The following CCDC73 variants were observed in gnomAD, a reference collection of about 807,000 sequenced individuals.
CCDC73 encodes coiled-coil domain containing 73.
CCDC73 carries 95 observed loss-of-function variants against 116.5 expected under a neutral mutation model. The ratio of observed to expected loss-of-function variants is 0.82; its 90% CI spans 0.69 to 0.97. The LOEUF is 0.97. CCDC73 is among the 50% of genes least tolerant of loss of function. The pLI is 0.00. For synonymous variants in CCDC73, 398 were observed against 401.3 expected (o/e 0.99, Z 0.10); for missense variants, 1,066 against 1,206.8 (o/e 0.88, Z 1.73).
chr11:32,720,492 C>T (rs779051933), intron 2 of CCDC73, among the ~76,000 whole-genome samples: 1 of 152,036 alleles, frequency 6.6e-6, no homozygotes, highest in African/African-American at 2.4e-5. Context: ...TCTCATCGCT[C>T]TTATTAAATA....
chr11:32,616,858 C>T (rs1855479079), intron 14 of CCDC73, among the ~76,000 whole-genome samples: 2 of 152,082 alleles, frequency 1.3e-5, no homozygotes, highest in African/African-American at 4.8e-5. Context: ...GTGGTAAGTG[C>T]TCTGATATGG....
intron 6 of CCDC73, among the ~76,000 whole-genome samples, chr11:32,688,813 T>C (rs1306717509): frequency 2.0e-5 from 3 of 152,116 alleles, no homozygotes; most frequent in African/African-American, 4.8e-5. Flanking sequence ...GAAAAATATA[T>C]AGCATCAATA....
intron 6 of CCDC73, among the ~76,000 whole-genome samples, chr11:32,687,224 G>T (rs1856210104): frequency 6.6e-6 from 1 of 152,204 alleles, no homozygotes; most frequent in African/African-American, 2.4e-5. Flanking sequence ...TGGTGAGGGG[G>T]TTGTGTCTAG....
At chr11:32,725,095 T>C (rs527290038) in intron 2 of CCDC73, among the ~76,000 whole-genome samples, 1 of 152,180 alleles carries the variant, frequency 6.6e-6, no homozygotes, top group Admixed American at 6.6e-5. Context: ...TAGTGAAATA[T>C]AGTTTAGTGA....
At chr11:32,762,107 C>G (rs897123973) in intron 1 of CCDC73, among the ~76,000 whole-genome samples, 2 of 152,170 alleles carry the variant, frequency 1.3e-5, no homozygotes, top group Non-Finnish European at 2.9e-5. Context: ...CTGGGTACTA[C>G]AACCTAGCCA....
At chr11:32,815,915 C>A in the CCDC73 span, among the ~76,000 whole-genome samples, 1 of 152,146 alleles carries the variant, frequency 6.6e-6, no homozygotes. Flanking sequence ...ATGGAAACTT[C>A]TTCTGGAGTG....
At chr11:32,723,721 A>T (rs531843573) in intron 2 of CCDC73, among the ~76,000 whole-genome samples, 21 of 152,288 alleles carry the variant, frequency 1.4e-4, no homozygotes, top group Non-Finnish European at 2.1e-4. Flanking sequence ...CTCCTCTTTT[A>T]TTGTTTTTGT....
rs777093632 is a variant in CCDC73, at chr11:32,614,759, A to C, written c.1559T>G (p.Ile520Arg). The change falls in exon 16 of 18, where the codon ATA becomes AGA. Residue 520 changes from isoleucine (I) to arginine (R), a missense_variant. Coordinates refer to ENST00000335185, the MANE Select transcript of CCDC73 (RefSeq NM_001008391.4). Reference protein sequence around the residue: ...KSVTTEIKDKICLEKDNGCTE... With the variant: ...KSVTTEIKDKRCLEKDNGCTE... ...ACATCCATTGTCTTTTTCCAAGCAT[A>C]TCTTGTCTTTTATTTCTGTAGTAAC... 6 of 1,613,056 alleles carry C rather than the reference A, an allele frequency of 3.7e-6. No individual in the cohort carries two copies. The African/African-American group carries it at 6.7e-5, about 18-fold the overall frequency.
intron 9 of CCDC73, among the ~76,000 whole-genome samples, chr11:32,660,957 C>T (rs138664131): frequency 1.3e-5 from 2 of 152,114 alleles, no homozygotes; most frequent in East Asian, 3.8e-4. Context: ...GAAGTAATGA[C>T]TTAATATAAA....
the CCDC73 span, among the ~76,000 whole-genome samples, chr11:32,819,978 C>T: frequency 6.6e-6 from 1 of 152,082 alleles, no homozygotes; most frequent in African/African-American, 2.4e-5. Context: ...TGGAATTAGG[C>T]ATTTTTCTTC....
intron 16 of CCDC73, among the ~76,000 whole-genome samples, chr11:32,612,786 G>T (rs977245114): frequency 2.6e-5 from 4 of 151,762 alleles, no homozygotes; most frequent in African/African-American, 9.7e-5. Flanking sequence ...AACATAGACA[G>T]CCATGTACTT....
At chr11:32,633,588 G>C (rs934236327) in intron 14 of CCDC73, among the ~76,000 whole-genome samples, 3 of 152,124 alleles carry the variant, frequency 2.0e-5, no homozygotes, top group East Asian at 3.9e-4. Flanking sequence ...GTTGCAGTCT[G>C]GAGTAAACCA....
rs1412453295 is a variant in CCDC73, at chr11:32,755,764, CAT to C, written c.135+4343_135+4344del. Among the ~76,000 whole-genome samples, 30 of 80,262 alleles carry C rather than the reference CAT, an allele frequency of 3.7e-4. 3 individuals carry two copies. Among genetic ancestry groups the C allele is most frequent in the East Asian group, 2.6e-3 (8 of 3,102 alleles). The allele number at this position is 80,262 out of a possible 152,430, so 52.7% of individuals were successfully genotyped here. On this transcript the variant is annotated intron_variant, in intron 2 of 17. Transcript: ENST00000335185. ...ATATATGTGTATATATATATATCTC[CAT>C]ATATATGTGTATATATATATATCTC...
intron 6 of CCDC73, among the ~76,000 whole-genome samples, chr11:32,686,219 A>AAC (rs1554964971): frequency 5.3e-5 from 8 of 150,874 alleles, no homozygotes; most frequent in Non-Finnish European, 8.9e-5. Context: ...CAAAAAAAAA[A>AAC]AAAAAAAAAA....
chr11:32,699,275 C>G lies in CCDC73; in HGVS notation c.366G>C (p.Leu122Phe). ...TEIKEKEIEG[L>F]KETLKALQVS... is the part of the protein sequence containing the mutation. ...CCTGTAGTGCTTTTAATGTTTCCTTCAATCCTTCTATTTCTTTTTCCTTTA... is the reference window on the plus strand; with the variant it reads ...CCTGTAGTGCTTTTAATGTTTCCTTGAATCCTTCTATTTCTTTTTCCTTTA... The change falls in exon 6 of 18, where the codon TTG (leucine) becomes TTC (phenylalanine). Residue 122 changes from leucine to phenylalanine, a missense_variant. Leu to Phe is a conservative substitution (Grantham distance 22, BLOSUM62 0). Transcript: ENST00000335185. 6.3e-7 allele frequency: 1 copy of G among 1,582,030 alleles called. No individual in the cohort carries two copies. The highest frequency in any genetic ancestry group is 8.6e-7 in the Non-Finnish European group (1 of 1,160,596).
intron 1 of CCDC73, among the ~76,000 whole-genome samples, chr11:32,782,722 T>G (rs1400121564): frequency 2.6e-5 from 4 of 152,156 alleles, no homozygotes; most frequent in Admixed American, 2.6e-4. Flanking sequence ...TTATCCATAG[T>G]GTTCAGTACA....
At chr11:32,637,260 C>G (rs1855690644) in intron 13 of CCDC73, among the ~76,000 whole-genome samples, 1 of 152,022 alleles carries the variant, frequency 6.6e-6, no homozygotes, top group Non-Finnish European at 1.5e-5. Flanking sequence ...ATCCGCCCAC[C>G]TCGGCCTCCC....
chr11:32,739,674 G>C (rs924919095), intron 2 of CCDC73, among the ~76,000 whole-genome samples: 1 of 152,020 alleles, frequency 6.6e-6, no homozygotes, highest in African/African-American at 2.4e-5. Context: ...TTTCCAATTT[G>C]GATGCCCTTT....
At chr11:32,608,319 G>C (rs192481347) in intron 17 of CCDC73, among the ~76,000 whole-genome samples, 1 of 152,256 alleles carries the variant, frequency 6.6e-6, no homozygotes, top group East Asian at 1.9e-4. Context: ...TTACTTCCTA[G>C]ATACAAGGAG....
Sources: allele counts gnomAD v4.1 joint callset (sites outside exome capture counted in the v4.1 genomes callset), GRCh38; gene constraint gnomAD v4.1.1; transcripts MANE v1.5; gene names NCBI Gene and HGNC (gene_info 2026-07-23, HGNC 2026-07-21).